Variants in CEP128 observed in about 807,000 individuals in gnomAD.
The protein encoded by CEP128 is centrosomal protein 128, also known as centrosomal protein 128kDa.
A neutral mutation model predicts 156.7 loss-of-function variants in CEP128; 132 were observed. That is an observed-to-expected ratio of 0.84 (90% CI 0.73 to 0.97). The LOEUF (loss-of-function observed/expected upper bound fraction) is 0.97. CEP128 is among the 50% of genes least tolerant of loss of function. The pLI, the probability that CEP128 is intolerant of heterozygous loss-of-function variation, is 0.00. For missense variants in CEP128, 1,252 were observed against 1,281.9 expected (o/e 0.98, Z 0.36); for synonymous variants, 469 against 448.9 (o/e 1.04, Z -0.57).
chr14:80,776,795 C>T (rs557758555), intron 16 of CEP128, among the ~76,000 whole-genome samples: 1 of 152,146 alleles, frequency 6.6e-6, no homozygotes, highest in African/African-American at 2.4e-5. Context: ...CATTTGACTT[C>T]TATTACCTTC....
At chr14:80,532,205 T>A (rs1007798988) in intron 21 of CEP128, among the ~76,000 whole-genome samples, 25 of 151,978 alleles carry the variant, frequency 1.6e-4, no homozygotes, top group East Asian at 3.9e-4. Context: ...ATATATATTT[T>A]TTTTCTGAGA....
chr14:80,774,585 C>T (rs557935354), intron 16 of CEP128, among the ~76,000 whole-genome samples: 1 of 151,932 alleles, frequency 6.6e-6, no homozygotes, highest in African/African-American at 2.4e-5. Flanking sequence ...GTATGTGTAT[C>T]CATATTTCTT....
At chr14:80,812,309 G>A (rs1296087888) in intron 13 of CEP128, among the ~76,000 whole-genome samples, 2 of 152,182 alleles carry the variant, frequency 1.3e-5, no homozygotes, top group Admixed American at 6.5e-5. Context: ...CACTGTTGAT[G>A]GGGATGTAGG....
rs1354952740 is a variant in CEP128 at position 80,906,002 on chromosome 14, G to GAAAT, written c.310_313dup (p.Ser105TyrfsTer10). 6.2e-7 allele frequency: 1 copy of GAAAT among 1,613,336 alleles called. No individual in the cohort carries two copies. The highest frequency in any genetic ancestry group is 8.5e-7 in the Non-Finnish European group (1 of 1,179,624). On this transcript the variant is annotated frameshift_variant, in exon 5 of 25. Coordinates refer to ENST00000555265, the MANE Select transcript of CEP128 (RefSeq NM_152446.5). LOFTEE classifies it high-confidence loss of function. Reference sequence around the variant, plus strand: ...GTCACTTGCACTCAAACTTGTAACAGAAATACTTCTCCCTCCTGAGTTTCT... The same window carrying GAAAT: ...GTCACTTGCACTCAAACTTGTAACAGAAATAAATACTTCTCCCTCCTGAGTTTCT...
chr14:80,878,821 G>C (rs116874218), intron 8 of CEP128, among the ~76,000 whole-genome samples: 1,660 of 152,262 alleles, frequency 0.011, 21 homozygotes, highest in Non-Finnish European at 0.018. Context: ...GGTGCTACAA[G>C]TTTCAGAAGA....
intron 13 of CEP128, among the ~76,000 whole-genome samples, chr14:80,796,325 T>C (rs327427): frequency 0.045 from 6,781 of 152,230 alleles, 516 homozygotes; most frequent in African/African-American, 0.15. Context: ...CTGGGTATGG[T>C]GGCACACGCC....
chr14:80,682,272 T>C (rs540812403), intron 19 of CEP128, among the ~76,000 whole-genome samples: 1 of 152,254 alleles, frequency 6.6e-6, no homozygotes, highest in African/African-American at 2.4e-5. Context: ...TCAGAACTTC[T>C]GGAATTGAAA....
chr14:80,899,274 T>G (rs2139413957), intron 7 of CEP128, among the ~76,000 whole-genome samples: 1 of 152,352 alleles, frequency 6.6e-6, no homozygotes, highest in Middle Eastern at 3.4e-3. Flanking sequence ...CAAATTTCAA[T>G]TCAGCTTTAT....
intron 23 of CEP128, among the ~76,000 whole-genome samples, chr14:80,514,971 G>C (rs1488841124): frequency 6.6e-6 from 1 of 152,226 alleles, no homozygotes; most frequent in African/African-American, 2.4e-5. Flanking sequence ...ATCACTGTGA[G>C]TCTTGCAGAC....
chr14:80,528,582 C>A (rs1889085884), intron 22 of CEP128, among the ~76,000 whole-genome samples: 1 of 152,152 alleles, frequency 6.6e-6, no homozygotes. Context: ...GCCACTGCGC[C>A]CAGCCAACAA....
At chr14:80,796,620 G>A (rs2139862278) in intron 13 of CEP128, among the ~76,000 whole-genome samples, 1 of 152,100 alleles carries the variant, frequency 6.6e-6, no homozygotes, top group Non-Finnish European at 1.5e-5. Context: ...CCTTTCCTGA[G>A]TCTCTCCTAC....
chr14:80,582,777 G>A (rs752380292), intron 19 of CEP128, among the ~76,000 whole-genome samples: 1 of 152,020 alleles, frequency 6.6e-6, no homozygotes, highest in Admixed American at 6.6e-5. Context: ...CAATATTTGT[G>A]AGATATAAGA....
intron 21 of CEP128, among the ~76,000 whole-genome samples, chr14:80,558,594 T>C (rs1890538887): frequency 6.6e-6 from 1 of 151,008 alleles, no homozygotes; most frequent in Non-Finnish European, 1.5e-5. Flanking sequence ...GGCCAATTTT[T>C]GTATTTTTAG....
At chr14:80,543,827 G>T (rs922210603) in intron 21 of CEP128, among the ~76,000 whole-genome samples, 1 of 152,136 alleles carries the variant, frequency 6.6e-6, no homozygotes, top group African/African-American at 2.4e-5. Context: ...TTTGAACTCA[G>T]GCCCCCTCCC....
chr14:80,673,624 C>A (rs1238258903), intron 19 of CEP128, among the ~76,000 whole-genome samples: 2 of 104,024 alleles, frequency 1.9e-5, no homozygotes, highest in Non-Finnish European at 3.4e-5. Flanking sequence ...CCAGCCTGGG[C>A]GACAGAGCGA....
At chr14:80,714,148 A>C (rs1897514510) in intron 19 of CEP128, among the ~76,000 whole-genome samples, 2 of 152,206 alleles carry the variant, frequency 1.3e-5, no homozygotes, top group Admixed American at 1.3e-4. Flanking sequence ...ATCAAAATGT[A>C]AATTTCAGAC....
intron 23 of CEP128, among the ~76,000 whole-genome samples, chr14:80,513,959 C>T (rs765536122): frequency 6.6e-5 from 10 of 152,072 alleles, no homozygotes; most frequent in Non-Finnish European, 1.2e-4. Flanking sequence ...AAGCCTAGCA[C>T]CTTTTAACGA....
downstream of CEP128, among the ~76,000 whole-genome samples, chr14:80,485,772 T>C (rs147422688): frequency 1.2e-4 from 19 of 152,338 alleles, no homozygotes; most frequent in East Asian, 3.7e-3. Flanking sequence ...AGGCCACTAG[T>C]GCTGAGGAAA....
chr14:80,692,992 T>C (rs1204161383), intron 19 of CEP128, among the ~76,000 whole-genome samples: 1 of 152,184 alleles, frequency 6.6e-6, no homozygotes, highest in Non-Finnish European at 1.5e-5. Flanking sequence ...AAAATGTAGA[T>C]TCTAATTCAG....
Sources: gnomAD v4.1 joint callset for allele counts (sites outside exome capture counted in the v4.1 genomes callset) on GRCh38, gnomAD v4.1.1 for gene constraint, MANE v1.5 for transcripts, NCBI Gene and HGNC (gene_info 2026-07-23, HGNC 2026-07-21) for gene names.